Variants in ANKRD28 observed in about 807,000 individuals in gnomAD.
ANKRD28 encodes the protein ankyrin repeat domain 28, also known as serine/threonine-protein phosphatase 6 regulatory ankyrin repeat subunit A.
Under a neutral mutation model 126.5 loss-of-function variants are expected in ANKRD28, and 44 were observed. That is an observed-to-expected ratio of 0.35 (90% CI 0.27 to 0.45). The LOEUF (loss-of-function observed/expected upper bound fraction) is 0.45. Ranked by LOEUF, ANKRD28 falls within the 20% of genes least tolerant of loss-of-function variation. The probability of loss-of-function intolerance (pLI) is 1.00; values close to 1 mark genes in which losing one functional copy is unlikely to be tolerated. For missense variants in ANKRD28, 1,110 were observed against 1,316.6 expected (o/e 0.84, Z 2.43); for synonymous variants, 442 against 468.5 (o/e 0.94, Z 0.73).
chr3:15,807,271 G>A (rs1164603139), intron 1 of ANKRD28, among the ~76,000 whole-genome samples: 1 of 152,196 alleles, frequency 6.6e-6, no homozygotes. Flanking sequence ...GCCAGGCTTT[G>A]ATCACATGTC....
intron 6 of ANKRD28, among the ~76,000 whole-genome samples, chr3:15,729,730 G>GC (rs1356120641): frequency 1.3e-5 from 2 of 152,042 alleles, no homozygotes; most frequent in Admixed American, 6.6e-5. Context: ...ACTGCAAGAC[G>GC]CATAAAGAAC....
Position 15,817,572 on chromosome 3 carries a change from T to C in ANKRD28, c.28-22266A>G, listed in dbSNP as rs988035271. Among the ~76,000 whole-genome samples the C allele has an allele frequency of 6.6e-6, 1 of 152,160 alleles. No homozygotes were observed. The highest frequency in any genetic ancestry group is 1.5e-5 in the Non-Finnish European group (1 of 68,020). Reference sequence around the variant, plus strand: ...CCTTAGGAATCACAAGATATACCAGTTGATGAATCCTATGAGGAAAACTGG... The same window carrying C: ...CCTTAGGAATCACAAGATATACCAGCTGATGAATCCTATGAGGAAAACTGG... On this transcript the variant is annotated intron_variant, in intron 1 of 27. Transcript: ENST00000399451. This position sits in a 1 kb window ranked among gnomAD's most constrained non-coding sequence, Gnocchi z 4.5.
In ANKRD28 at chr3:15,848,221, G is replaced by A. The variant is rs533528877; in HGVS notation, c.27+11156C>T. ...CTCAAAACCAGAACCACAAATTTGG[G>A]AATCACCACTAAAGAAACAGTATTT... On this transcript the variant is annotated intron_variant, in intron 1 of 27. Transcript: ENST00000399451. Among the ~76,000 whole-genome samples the A allele has an allele frequency of 1.2e-4, 18 of 152,300 alleles. No homozygotes were observed. In the South Asian group the frequency reaches 2.1e-3, roughly 18 times the overall value.
At position 15,690,150 on chromosome 3, in the gene ANKRD28, CTA is replaced by C; in HGVS notation, c.1830_1831del (p.Asn610LysfsTer2). 6.2e-7 allele frequency: 1 copy of C among 1,609,660 alleles called. No individual in the cohort carries two copies. Among genetic ancestry groups the C allele is most frequent in the Non-Finnish European group, 8.5e-7 (1 of 1,177,760 alleles). On this transcript the variant is annotated frameshift_variant, in exon 18 of 28. Transcript: ENST00000683139. LOFTEE classifies it high-confidence loss of function. ...AAGATCTAGGGGTGTTCTTCCACTA[CTA>C]TTTCTGACATCAAGATCTAACAAAG...
chr3:15,797,514 A>G lies in ANKRD28; in HGVS notation c.-993T>C. 2 of 985,196 alleles carry G rather than the reference A, an allele frequency of 2.0e-6. No individual in the cohort carries two copies. The highest frequency in any genetic ancestry group is 1.7e-5 in the African/African-American group (1 of 57,278). The allele number at this position is 985,196 out of a possible 1,614,324, so 61.0% of individuals were successfully genotyped here. A position where few individuals can be genotyped will look rare whatever the true frequency, so the allele number is the denominator to read the frequency against. On this transcript the variant is annotated 5_prime_UTR_variant, in exon 1 of 28. Transcript: ENST00000683139. ...ACAAGCAGGCTGTGAAGGAATTAGA[A>G]GGCATTTGAGCTCAAATTACTGCTT...
chr3:15,767,283 C>A (rs2058783195), intron 2 of ANKRD28, among the ~76,000 whole-genome samples: 1 of 152,134 alleles, frequency 6.6e-6, no homozygotes, highest in Non-Finnish European at 1.5e-5. Context: ...AAAGTTACAA[C>A]AGAGTATTAC....
At chr3:15,688,081 GA>G (rs1312633778) in intron 18 of ANKRD28, among the ~76,000 whole-genome samples, 5 of 152,142 alleles carry the variant, frequency 3.3e-5, no homozygotes, top group African/African-American at 1.2e-4. Context: ...TTGTGGGTAG[GA>G]TTTATGCTGA....
At chr3:15,822,078 G>A (rs1211170114) in intron 1 of ANKRD28, among the ~76,000 whole-genome samples, 1 of 152,182 alleles carries the variant, frequency 6.6e-6, no homozygotes, top group Non-Finnish European at 1.5e-5. Context: ...ATATATAATA[G>A]AAAACCTAGA....
intron 6 of ANKRD28, among the ~76,000 whole-genome samples, chr3:15,735,148 A>G (rs2074932535): frequency 6.6e-6 from 1 of 152,130 alleles, no homozygotes; most frequent in African/African-American, 2.4e-5. Context: ...TCAATCCTAA[A>G]TTATGTATTC....
chr3:15,736,088 C>T (rs890623195), intron 5 of ANKRD28, among the ~76,000 whole-genome samples: 1 of 152,182 alleles, frequency 6.6e-6, no homozygotes, highest in African/African-American at 2.4e-5. Context: ...CAGAGAAGTA[C>T]AGTAGTCTCC....
chr3:15,789,305 C>A (rs563829267), intron 2 of ANKRD28, among the ~76,000 whole-genome samples: 2 of 152,172 alleles, frequency 1.3e-5, no homozygotes, highest in Admixed American at 1.3e-4. Flanking sequence ...AGGTGATGAA[C>A]CAAGACTGAT....
intron 6 of ANKRD28, chr3:15,733,583 T>C (rs1197740892): frequency 6.6e-6 from 1 of 152,232 alleles, no homozygotes; most frequent in Non-Finnish European, 1.5e-5. Flanking sequence ...ATATTTCATC[T>C]ATTCAATTGA....
intron 1 of ANKRD28, among the ~76,000 whole-genome samples, chr3:15,821,966 G>C (rs186439936): frequency 6.6e-6 from 1 of 152,150 alleles, no homozygotes; most frequent in African/African-American, 2.4e-5. Context: ...TCATCTGTGT[G>C]TAACAGGTAA....
In ANKRD28 at chr3:15,840,420, C is replaced by A. The variant is rs568311756; in HGVS notation, c.27+18957G>T. Reference sequence around the variant, plus strand: ...AAAAAATGGAAAGATACTCCATGTTCATGGATTGGAAGAATCAATATCATT... The same window carrying A: ...AAAAAATGGAAAGATACTCCATGTTAATGGATTGGAAGAATCAATATCATT... On this transcript the variant is annotated intron_variant, in intron 1 of 27. Coordinates refer to the ANKRD28 transcript ENST00000399451. 5.2e-4 allele frequency among the ~76,000 whole-genome samples: 79 copies of A among 152,232 alleles called. No homozygotes were observed. In the Middle Eastern group the frequency reaches 0.031, roughly 59 times the overall value.
intron 14 of ANKRD28, among the ~76,000 whole-genome samples, chr3:15,700,828 G>GA (rs1049782485): frequency 2.7e-5 from 4 of 150,176 alleles, no homozygotes; most frequent in Non-Finnish European, 4.4e-5. Context: ...TATTACAGCA[G>GA]AAAAAAAAAG....
At chr3:15,783,306 C>T (rs546563291) in intron 2 of ANKRD28, among the ~76,000 whole-genome samples, 3 of 151,810 alleles carry the variant, frequency 2.0e-5, no homozygotes, top group African/African-American at 7.2e-5. Flanking sequence ...TACAGAAATA[C>T]AAATTAAGAC....
At chr3:15,781,402 A>AG (rs2059534040) in intron 2 of ANKRD28, 1 of 151,718 alleles carries the variant, frequency 6.6e-6, no homozygotes, top group African/African-American at 2.4e-5. Flanking sequence ...AAAAAGGTGA[A>AG]GGAAAAAAAA....
At chr3:15,798,719 C>T (rs1028655727), upstream of ANKRD28, among the ~76,000 whole-genome samples, 34 of 152,162 alleles carry the variant, frequency 2.2e-4, 5 homozygotes, top group Admixed American at 9.8e-4. Flanking sequence ...ATCTCCCTCC[C>T]TATAAATTTC....
chr3:15,758,257 A>G (rs1456440723), intron 3 of ANKRD28, among the ~76,000 whole-genome samples: 1 of 152,236 alleles, frequency 6.6e-6, no homozygotes, highest in Non-Finnish European at 1.5e-5. Context: ...CAAACTGGAA[A>G]TAATGCTTTT....
Sources: gnomAD v4.1 joint callset for allele counts (sites outside exome capture counted in the v4.1 genomes callset) on GRCh38, gnomAD v4.1.1 for gene constraint, Gnocchi (gnomAD v3.1) non-coding constraint, MANE v1.5 for transcripts, NCBI Gene and HGNC (gene_info 2026-07-23, HGNC 2026-07-21) for gene names.